CNOT10: variants seen among roughly 807,000 people sequenced by gnomAD.
CNOT10 encodes CCR4-NOT transcription complex, subunit 10.
CNOT10 carries 30 observed loss-of-function variants against 94.6 expected under a neutral mutation model. That is an observed-to-expected ratio of 0.32 (90% confidence interval 0.24 to 0.43). CNOT10 has a LOEUF of 0.43. Among genes scored for constraint, CNOT10 ranks in the 20% least tolerant of loss-of-function variants. The pLI, the probability that CNOT10 is intolerant of heterozygous loss-of-function variation, is 1.00. For synonymous variants in CNOT10, 289 were observed against 301.6 expected, an observed-to-expected ratio of 0.96 and a Z score of 0.43; for missense variants, 759 against 877.2, an observed-to-expected ratio of 0.87 and a Z score of 1.70.
intron 16 of CNOT10, 55 bp downstream of exon 16, chr3:32,764,545 A>G (rs1269417205): frequency 8.1e-6 from 13 of 1,605,798 alleles, no homozygotes; most frequent in Middle Eastern, 1.7e-4. Flanking sequence ...CCAAAAATTT[A>G]GATTCTAAAT....
At chr3:32,732,081 A>G (rs12487175) in intron 10 of CNOT10, among the ~76,000 whole-genome samples, 44,911 of 151,336 alleles carry the variant, frequency 0.3, 7,182 homozygotes, top group African/African-American at 0.43. Context: ...TCCATCTCAA[A>G]AAAATAAATA....
Position 32,716,221 on chromosome 3 carries a change from A to G in CNOT10, c.574-4A>G, listed in dbSNP as rs779749202. On this transcript the variant is annotated splice_polypyrimidine_tract_variant and splice_region_variant and intron_variant, in intron 5 of 18. Transcript: ENST00000328834. ...TTGATAAACTTTGTTTCATCACCCT[A>G]CAGACTGGTAATAACAACAACAAAG... 5 of 1,534,010 alleles carry G rather than the reference A, an allele frequency of 3.3e-6. No individual in the cohort carries two copies. Among genetic ancestry groups the G allele is most frequent in the African/African-American group, 2.8e-5 (2 of 72,220 alleles).
chr3:32,759,376 G>T (rs1273335389), intron 13 of CNOT10, 82 bp from the exon 14 acceptor site: 2 of 940,950 alleles, frequency 2.1e-6, no homozygotes, highest in African/African-American at 1.6e-5. Flanking sequence ...CACAGCTAAA[G>T]GGCATTTCTT....
intron 13 of CNOT10, 30 bp downstream of exon 13, chr3:32,737,520 T>G: frequency 7.3e-7 from 1 of 1,374,380 alleles, no homozygotes; most frequent in Admixed American, 1.7e-5. Flanking sequence ...TAGCATTGCA[T>G]CTATTGAAAT....
chr3:32,717,272 T>A lies in CNOT10; in HGVS notation c.744+35T>A, dbSNP rs1475303056. 1.5e-5 allele frequency: 19 copies of A among 1,245,182 alleles called. 1 individual carries two copies. The South Asian group carries it at 2.1e-4, about 14-fold the overall frequency. 77.1% of individuals were successfully genotyped at this position (1,245,182 alleles called of 1,614,324 possible). A position where few individuals can be genotyped will look rare whatever the true frequency, so the allele number is the denominator to read the frequency against. Reference sequence around the variant, plus strand: ...TTCTGGACTTTTGTTTTTCAATTTGTGTCTTTCTTATTTAGACTATGGGTA... The same window carrying A: ...TTCTGGACTTTTGTTTTTCAATTTGAGTCTTTCTTATTTAGACTATGGGTA... On this transcript the variant is annotated intron_variant, in intron 7 of 18. Transcript: ENST00000328834.
chr3:32,687,439 G>GTTTTTTTTTTTGTTTTTTTTTTT lies in CNOT10; in HGVS notation c.22+1968_22+1969insGTTTTTTTTTTTTTTTTTTTTTT, dbSNP rs1553626981. Reference sequence around the variant, plus strand: ...TTCTTTCTCCTTTTAAGTCCTCACGGTTTTTTTTTTTTGTTTTTTTTTTTT... The same window carrying GTTTTTTTTTTTGTTTTTTTTTTT: ...TTCTTTCTCCTTTTAAGTCCTCACGGTTTTTTTTTTTGTTTTTTTTTTTTTTTTTTTTTTTGTTTTTTTTTTTT... On this transcript the variant is annotated intron_variant, in intron 1 of 18. Transcript: ENST00000328834. Among the ~76,000 whole-genome samples, 335 of 51,340 alleles carry GTTTTTTTTTTTGTTTTTTTTTTT rather than the reference G, an allele frequency of 6.5e-3. 68 individuals carry two copies. Among genetic ancestry groups the GTTTTTTTTTTTGTTTTTTTTTTT allele is most frequent in the East Asian group, 8.3e-3 (11 of 1,330 alleles). 33.7% of individuals were successfully genotyped at this position (51,340 alleles called of 152,430 possible).
At chr3:32,690,127 G>A (rs191524617) in intron 1 of CNOT10, among the ~76,000 whole-genome samples, 6 of 152,246 alleles carry the variant, frequency 3.9e-5, no homozygotes, top group Non-Finnish European at 8.8e-5. Flanking sequence ...TTTTCAATAA[G>A]GGCATGATGG....
At chr3:32,731,771 C>T (rs546457941) in intron 10 of CNOT10, among the ~76,000 whole-genome samples, 6 of 152,186 alleles carry the variant, frequency 3.9e-5, no homozygotes, top group Admixed American at 3.3e-4. Flanking sequence ...GCCACCTTGC[C>T]CAGCTTAGTT....
At chr3:32,707,089 C>T (rs1327134781) in intron 3 of CNOT10, among the ~76,000 whole-genome samples, 2 of 152,140 alleles carry the variant, frequency 1.3e-5, no homozygotes, top group African/African-American at 2.4e-5. Flanking sequence ...GAGTTAATTA[C>T]TTAATATTGA....
chr3:32,728,339 G>A (rs1254999737), intron 10 of CNOT10, among the ~76,000 whole-genome samples: 1 of 152,008 alleles, frequency 6.6e-6, no homozygotes, highest in Non-Finnish European at 1.5e-5. Context: ...GTCATTTGTT[G>A]GCCGTGCGCA....
intron 9 of CNOT10, among the ~76,000 whole-genome samples, chr3:32,726,836 ATTTTTTTTTTT>A (rs56273006): frequency 2.5e-5 from 2 of 81,274 alleles, no homozygotes; most frequent in African/African-American, 4.5e-5. Context: ...ACCAAGATGA[ATTTTTTTTTTT>A]TTTTTTTTTT....
intron 1 of CNOT10, among the ~76,000 whole-genome samples, chr3:32,686,694 T>C (rs1483251687): frequency 6.6e-6 from 1 of 152,188 alleles, no homozygotes; most frequent in Non-Finnish European, 1.5e-5. Flanking sequence ...GCATGGCCTG[T>C]CCAAGGCTGG....
chr3:32,763,423 G>T (rs1345850125), intron 15 of CNOT10, among the ~76,000 whole-genome samples: 1 of 152,174 alleles, frequency 6.6e-6, no homozygotes. Flanking sequence ...GGCCGAGGCA[G>T]GTGGATCACC....
intron 4 of CNOT10, among the ~76,000 whole-genome samples, chr3:32,709,252 G>A (rs535417588): frequency 6.6e-6 from 1 of 152,128 alleles, no homozygotes; most frequent in South Asian, 2.1e-4. Context: ...TTAGTTTTTT[G>A]CTATCTTAAT....
rs1696664534 is a variant in CNOT10 at position 32,687,453 on chromosome 3, T to TTTTTTTTTTTTG, written c.22+1982_22+1983insGTTTTTTTTTTT. Among the ~76,000 whole-genome samples the TTTTTTTTTTTTG allele has an allele frequency of 8.9e-4, 51 of 57,214 alleles. 2 individuals carry two copies. Among genetic ancestry groups the TTTTTTTTTTTTG allele is most frequent in the African/African-American group, 2.2e-3 (33 of 14,720 alleles). 37.5% of individuals were successfully genotyped at this position (57,214 alleles called of 152,430 possible). Reference sequence around the variant, plus strand: ...AAGTCCTCACGGTTTTTTTTTTTTGTTTTTTTTTTTTTTTTTGAGACGGAG... The same window carrying TTTTTTTTTTTTG: ...AAGTCCTCACGGTTTTTTTTTTTTGTTTTTTTTTTTTGTTTTTTTTTTTTTTTTGAGACGGAG... On this transcript the variant is annotated intron_variant, in intron 1 of 18. Coordinates refer to ENST00000328834, the MANE Select transcript of CNOT10 (RefSeq NM_015442.3).
intron 17 of CNOT10, among the ~76,000 whole-genome samples, chr3:32,768,112 G>T (rs1700728500): frequency 6.6e-6 from 1 of 152,076 alleles, no homozygotes; most frequent in Non-Finnish European, 1.5e-5. Context: ...TGTTTCCAAG[G>T]TTGCCTGCCC....
intron 3 of CNOT10, among the ~76,000 whole-genome samples, chr3:32,707,558 C>G (rs890590598): frequency 5.9e-5 from 9 of 152,268 alleles, no homozygotes; most frequent in African/African-American, 2.2e-4. Flanking sequence ...AATCCAAGCA[C>G]TTTGGGAGGC....
intron 7 of CNOT10, among the ~76,000 whole-genome samples, chr3:32,719,085 C>T (rs1343693013): frequency 1.3e-5 from 2 of 152,108 alleles, no homozygotes; most frequent in Admixed American, 6.6e-5. Context: ...CCCATCTCTA[C>T]TAAAAATACA....
chr3:32,740,857 G>A (rs1422128663), intron 13 of CNOT10, among the ~76,000 whole-genome samples: 5 of 125,280 alleles, frequency 4.0e-5, no homozygotes, highest in African/African-American at 1.0e-4. Flanking sequence ...GCGAGACTCC[G>A]TCTTAAAAAA....
Sources: gnomAD v4.1 joint callset for allele counts (sites outside exome capture counted in the v4.1 genomes callset) on GRCh38, gnomAD v4.1.1 for gene constraint, MANE v1.5 for transcripts, NCBI Gene and HGNC (gene_info 2026-07-23, HGNC 2026-07-21) for gene names.